ITFG2: variants seen among roughly 807,000 people sequenced by gnomAD.
ITFG2 encodes the protein integrin alpha FG-GAP repeat containing 2, also known as KICSTOR complex protein ITFG2.
ITFG2 carries 36 observed loss-of-function variants against 54.4 expected under a neutral mutation model. The ratio of observed to expected loss-of-function variants is 0.66; its 90% CI spans 0.51 to 0.87. The LOEUF (loss-of-function observed/expected upper bound fraction) is 0.87, where lower values mean the gene tolerates loss of function less well. Ranked by LOEUF, ITFG2 falls within the 40% of genes least tolerant of loss-of-function variation. The pLI is 0.00. For synonymous variants in ITFG2, 211 were observed against 225.4 expected (o/e 0.94, Z 0.57); for missense variants, 524 against 576.7 (o/e 0.91, Z 0.94).
upstream of ITFG2, among the ~76,000 whole-genome samples, chr12:2,835,733 T>TA (rs2153926663): frequency 6.6e-6 from 1 of 152,336 alleles, no homozygotes; most frequent in East Asian, 1.9e-4. Flanking sequence ...ATCACCAGTT[T>TA]AAAAAATAAG....
At chr12:2,822,265 G>T (rs1382885036) in intron 9 of ITFG2, among the ~76,000 whole-genome samples, 3 of 152,150 alleles carry the variant, frequency 2.0e-5, no homozygotes. Flanking sequence ...AAGCGAGTTT[G>T]TTTCCTCTTA....
chr12:2,857,133 AGAG>A (rs1479027313), intron 2 of ITFG2: 8 of 700,464 alleles, frequency 1.1e-5, no homozygotes, highest in Non-Finnish European at 1.8e-5. Flanking sequence ...GTGGTGATGC[AGAG>A]AAGAGGCCCT....
upstream of ITFG2, among the ~76,000 whole-genome samples, chr12:2,835,769 A>T (rs1299916082): frequency 6.6e-6 from 1 of 152,206 alleles, no homozygotes. Flanking sequence ...GTGCACTTCC[A>T]CTTCCGCCTG....
downstream of ITFG2, chr12:2,830,957 A>AC (rs71441693): frequency 7.1e-3 from 8,252 of 1,166,616 alleles, 41 homozygotes; most frequent in Non-Finnish European, 8.7e-3. Flanking sequence ...TGCTCCCCCC[A>AC]CCCCCCCAGC....
At chr12:2,827,158 C>T (rs887980298), downstream of ITFG2, 12 of 1,613,028 alleles carry the variant, frequency 7.4e-6, no homozygotes, top group Middle Eastern at 3.3e-4. This position sits in a 1 kb window ranked among gnomAD's most constrained non-coding sequence, Gnocchi z 4.0. Context: ...CCACACGCCT[C>T]TTCTTCTAAG....
intron 1 of ITFG2, among the ~76,000 whole-genome samples, chr12:2,817,000 C>G (rs1304340732): frequency 2.6e-5 from 4 of 152,236 alleles, no homozygotes; most frequent in African/African-American, 9.6e-5. Flanking sequence ...CCATGTTGCC[C>G]AGGCTGGTCT....
At chr12:2,833,133 G>A (rs983596204), upstream of ITFG2, among the ~76,000 whole-genome samples, 6 of 152,008 alleles carry the variant, frequency 3.9e-5, no homozygotes, top group South Asian at 2.1e-4. Flanking sequence ...ATCAATTGGG[G>A]ATATCCTAGG....
Position 2,820,820 on chromosome 12 carries a change from A to T in ITFG2, c.643A>T (p.Lys215Ter). Residue 215 changes from lysine (K) to a stop codon, truncating the protein, a stop_gained, in exon 6 of 12, where the codon AAA (lysine) becomes TAA (stop). Coordinates refer to ENST00000228799, the MANE Select transcript of ITFG2 (RefSeq NM_018463.4). LOFTEE classifies it high-confidence loss of function. ...CAYAILLCTW[K>*]KDTGSPPASE... is the part of the protein sequence containing the mutation. ...GTATGCAATTCTACTGTGTACCTGG[A>T]AAAAGGACACTGGGTCCCCTCCTGC... The T allele has an allele frequency of 6.2e-7, 1 of 1,613,518 alleles. No homozygotes were observed. The highest frequency in any genetic ancestry group is 8.5e-7 in the Non-Finnish European group (1 of 1,179,548).
At chr12:2,859,686 G>T in exon 4 of ITFG2, 1 of 1,571,122 alleles carries the variant, frequency 6.4e-7, no homozygotes, top group South Asian at 1.1e-5. Flanking sequence ...CAGAGATAAG[G>T]TGAACCAACG....
chr12:2,839,016 G>A (rs913107207), intron 1 of ITFG2, among the ~76,000 whole-genome samples: 3 of 152,070 alleles, frequency 2.0e-5, no homozygotes, highest in African/African-American at 7.2e-5. Context: ...ATTTAGCTGG[G>A]CACAGTGGCT....
At chr12:2,832,260 T>C (rs187592598), upstream of ITFG2, among the ~76,000 whole-genome samples, 1 of 152,174 alleles carries the variant, frequency 6.6e-6, no homozygotes, top group East Asian at 1.9e-4. Flanking sequence ...CCCCCCACCC[T>C]ACCCCGCATT....
chr12:2,859,365 G>C, intron 3 of ITFG2: 3 of 1,613,930 alleles, frequency 1.9e-6, no homozygotes, highest in Non-Finnish European at 2.5e-6. Context: ...CCGGGTTGGG[G>C]ACCTAAGCCC....
intron 2 of ITFG2, chr12:2,817,597 A>G (rs112730132): frequency 1.6e-5 from 8 of 513,006 alleles, no homozygotes; most frequent in African/African-American, 1.9e-5. Context: ...ATCTTAAAGT[A>G]TAGTCAAAAA....
upstream of ITFG2, chr12:2,835,008 A>C: frequency 6.5e-7 from 1 of 1,529,378 alleles, no homozygotes; most frequent in South Asian, 1.3e-5. Context: ...GTCAGTCTCC[A>C]ATTTCCCGAG....
intron 2 of ITFG2, chr12:2,857,879 CATT>C (rs2098093471): frequency 6.6e-6 from 1 of 152,326 alleles, no homozygotes; most frequent in Non-Finnish European, 1.5e-5. Flanking sequence ...TGATTGGGGA[CATT>C]ATCAGAGAAA....
In ITFG2 at chr12:2,812,804, G is replaced by C. The variant is rs1180552766; in HGVS notation, c.44G>C (p.Ser15Thr). 1 of 1,613,322 alleles carries C rather than the reference G, an allele frequency of 6.2e-7. No homozygotes were observed. Among genetic ancestry groups the C allele is most frequent in the Non-Finnish European group, 8.5e-7 (1 of 1,179,366 alleles). The change falls in exon 1 of 12, where the codon AGC becomes ACC. Residue 15 changes from serine (S) to threonine (T), a missense_variant. Transcript: ENST00000228799. ...SYVQRVALEFSGSLFPHAICL... is the reference protein window; with the variant it reads ...SYVQRVALEFTGSLFPHAICL... Reference sequence around the variant, plus strand: ...GTGCAGCGCGTGGCGCTGGAGTTCAGCGGGAGCCTCTTCCCGCACGCAATC... The same window carrying C: ...GTGCAGCGCGTGGCGCTGGAGTTCACCGGGAGCCTCTTCCCGCACGCAATC...
intron 2 of ITFG2, chr12:2,849,155 T>C: frequency 7.0e-7 from 1 of 1,428,412 alleles, no homozygotes; most frequent in Non-Finnish European, 9.2e-7. Flanking sequence ...CCAGGGCCTC[T>C]TGCTGAAGGA....
intron 6 of ITFG2, 27 bp from the exon 7 acceptor site, chr12:2,821,235 C>G: frequency 6.4e-7 from 1 of 1,569,344 alleles, no homozygotes; most frequent in Non-Finnish European, 8.7e-7. Context: ...TGGTCTCCCG[C>G]TTGATCCGTC....
intron 2 of ITFG2, among the ~76,000 whole-genome samples, chr12:2,852,817 G>A (rs1298198287): frequency 6.6e-6 from 1 of 152,030 alleles, no homozygotes; most frequent in African/African-American, 2.4e-5. Flanking sequence ...GGCCAACATG[G>A]AGAAACCCCG....
Sources: allele counts gnomAD v4.1 joint callset (sites outside exome capture counted in the v4.1 genomes callset), GRCh38; gene constraint gnomAD v4.1.1; non-coding constraint Gnocchi (gnomAD v3.1); transcripts MANE v1.5; gene names NCBI Gene and HGNC (gene_info 2026-07-23, HGNC 2026-07-21).